Variants in VPS50 observed in about 807,000 individuals in gnomAD.
VPS50 encodes the protein VPS50 subunit of EARP/GARPII complex.
A neutral mutation model predicts 139.7 loss-of-function variants in VPS50; 70 were observed. That is an observed-to-expected ratio of 0.50 (90% CI 0.41 to 0.61). VPS50 has a LOEUF of 0.61. Ranked by LOEUF, VPS50 falls within the 20% of genes least tolerant of loss-of-function variation. VPS50 has a pLI of 0.00. For missense variants in VPS50, 921 were observed against 1,133.7 expected (o/e 0.81, Z 2.69); for synonymous variants, 365 against 376.7 (o/e 0.97, Z 0.36).
chr7:93,263,330 A>T (rs1217187940), intron 9 of VPS50, among the ~76,000 whole-genome samples: 2 of 152,236 alleles, frequency 1.3e-5, no homozygotes, highest in Non-Finnish European at 2.9e-5. Context: ...AAAAACATTT[A>T]TATCTATTCT....
Position 93,303,560 on chromosome 7 carries a change from T to C in VPS50, c.1452+10T>C. 7.5e-7 allele frequency: 1 copy of C among 1,328,270 alleles called. No individual in the cohort carries two copies. Among genetic ancestry groups the C allele is most frequent in the Non-Finnish European group, 1.1e-6 (1 of 938,422 alleles). 82.3% of individuals were successfully genotyped at this position (1,328,270 alleles called of 1,614,324 possible). A position where few individuals can be genotyped will look rare whatever the true frequency, so the allele number is the denominator to read the frequency against. On this transcript the variant is annotated intron_variant, in intron 17 of 27. Coordinates refer to ENST00000305866, the MANE Select transcript of VPS50 (RefSeq NM_017667.4). ...CATCTTGCAACTTCATGTAAGTGTTTCTTAAGAACAAAGAAATCTGTCTTT... is the reference window on the plus strand; with the variant it reads ...CATCTTGCAACTTCATGTAAGTGTTCCTTAAGAACAAAGAAATCTGTCTTT...
chr7:93,341,483 G>T lies in VPS50; in HGVS notation c.2115G>T (p.Lys705Asn). ...TLTAAEERKE[K>N]VPSPHLSHLV... ...CAGCAGCAGAAGAAAGAAAGGAGAA[G>T]GTGCCAAGTCCACACCTCAGTCACC... is the stretch of plus-strand genomic sequence containing the variant. The change falls in exon 23 of 28, where the codon AAG becomes AAT. Residue 705 changes from lysine to asparagine, a missense_variant. By Grantham distance (94) the Lys-to-Asn change is moderately conservative. Coordinates refer to ENST00000305866, the MANE Select transcript of VPS50 (RefSeq NM_017667.4). The T allele has an allele frequency of 6.2e-7, 1 of 1,612,652 alleles. No homozygotes were observed. The highest frequency in any genetic ancestry group is 8.5e-7 in the Non-Finnish European group (1 of 1,179,100).
intron 12 of VPS50, among the ~76,000 whole-genome samples, chr7:93,280,844 A>G (rs1258457082): frequency 6.6e-6 from 1 of 152,058 alleles, no homozygotes; most frequent in Non-Finnish European, 1.5e-5. Context: ...TGTTTTTATG[A>G]TGAATTTCAT....
intron 1 of VPS50, among the ~76,000 whole-genome samples, chr7:93,233,196 C>G (rs1009090199): frequency 2.6e-5 from 4 of 152,118 alleles, no homozygotes; most frequent in African/African-American, 9.7e-5. Context: ...TGTTAGGGAC[C>G]TCGTAATAAT....
intron 8 of VPS50, 63 bp downstream of exon 8, chr7:93,258,455 A>T (rs1795559381): frequency 7.8e-7 from 1 of 1,289,394 alleles, no homozygotes. Flanking sequence ...AAAGCAGACA[A>T]AATTCAGAAG....
intron 20 of VPS50, among the ~76,000 whole-genome samples, chr7:93,314,473 G>C (rs1348743412): frequency 6.6e-6 from 1 of 152,132 alleles, no homozygotes; most frequent in African/African-American, 2.4e-5. Flanking sequence ...CTGTCATCCT[G>C]ATGGTTTCTT....
At chr7:93,302,784 T>C (rs17165252) in intron 16 of VPS50, among the ~76,000 whole-genome samples, 22,584 of 151,942 alleles carry the variant, frequency 0.15, 2,717 homozygotes, top group East Asian at 0.4. Context: ...GGCCCTTTTG[T>C]CAACTGAAAA....
chr7:93,307,049 T>A (rs1381118983), intron 18 of VPS50, among the ~76,000 whole-genome samples: 1 of 151,878 alleles, frequency 6.6e-6, no homozygotes, highest in East Asian at 1.9e-4. Flanking sequence ...ATAAAAGTGA[T>A]TCATTAATTA....
chr7:93,320,738 C>CT (rs1797590843), intron 20 of VPS50: 3 of 152,356 alleles, frequency 2.0e-5, no homozygotes, highest in African/African-American at 7.2e-5. Flanking sequence ...GCCTACACCT[C>CT]TAACTGCTGG....
At chr7:93,289,099 T>C (rs1796576029) in intron 12 of VPS50, among the ~76,000 whole-genome samples, 1 of 152,120 alleles carries the variant, frequency 6.6e-6, no homozygotes, top group Non-Finnish European at 1.5e-5. Context: ...ATCCAAGTTT[T>C]TTTTAGGCCG....
At chr7:93,311,690 A>C (rs1012497356) in intron 20 of VPS50, among the ~76,000 whole-genome samples, 1 of 152,146 alleles carries the variant, frequency 6.6e-6, no homozygotes, top group Admixed American at 6.6e-5. Context: ...ATTTTCAGAC[A>C]CAAGGGATTT....
intron 12 of VPS50, 71 bp downstream of exon 12, chr7:93,276,376 G>A (rs1364765127): frequency 7.0e-7 from 1 of 1,436,146 alleles, no homozygotes; most frequent in African/African-American, 1.4e-5. Flanking sequence ...CTTTATCTTG[G>A]TACATACCTA....
At chr7:93,351,395 A>C (rs1022866275) in intron 25 of VPS50, among the ~76,000 whole-genome samples, 2 of 152,030 alleles carry the variant, frequency 1.3e-5, no homozygotes, top group Non-Finnish European at 2.9e-5. Context: ...TTTTGAAAAA[A>C]TGGTTCTATT....
intron 1 of VPS50, among the ~76,000 whole-genome samples, chr7:93,237,741 T>C (rs1216161458): frequency 1.3e-5 from 2 of 152,230 alleles, no homozygotes; most frequent in African/African-American, 4.8e-5. Flanking sequence ...TTATAATGGG[T>C]TTAAAAATTT....
At chr7:93,266,609 G>C (rs1426279659) in intron 9 of VPS50, among the ~76,000 whole-genome samples, 1 of 152,126 alleles carries the variant, frequency 6.6e-6, no homozygotes, top group Non-Finnish European at 1.5e-5. Flanking sequence ...TTGCAGAATT[G>C]TTTGATTCGT....
At chr7:93,344,957 A>C (rs1798344306) in intron 23 of VPS50, among the ~76,000 whole-genome samples, 1 of 152,300 alleles carries the variant, frequency 6.6e-6, no homozygotes, top group East Asian at 1.9e-4. Flanking sequence ...AAGCTAGCAG[A>C]AGGCAAGAAA....
chr7:93,325,832 C>G (rs541012722), intron 21 of VPS50, among the ~76,000 whole-genome samples: 13 of 151,196 alleles, frequency 8.6e-5, no homozygotes, highest in African/African-American at 1.5e-4. Context: ...AATAGGAACA[C>G]TTTTACACTG....
chr7:93,316,702 G>C (rs1797439270), intron 20 of VPS50, among the ~76,000 whole-genome samples: 1 of 152,206 alleles, frequency 6.6e-6, no homozygotes, highest in Non-Finnish European at 1.5e-5. Context: ...TGGACATATA[G>C]AGGTACCTCT....
intron 24 of VPS50, among the ~76,000 whole-genome samples, 178 bp downstream of exon 24, chr7:93,348,985 C>T (rs992575526): frequency 6.6e-6 from 1 of 152,144 alleles, no homozygotes; most frequent in Non-Finnish European, 1.5e-5. Context: ...TATCGAGCAC[C>T]TCATGTAACT....
Sources: gnomAD v4.1 joint callset for allele counts (sites outside exome capture counted in the v4.1 genomes callset) on GRCh38, gnomAD v4.1.1 for gene constraint, MANE v1.5 for transcripts, NCBI Gene and HGNC (gene_info 2026-07-23, HGNC 2026-07-21) for gene names.